The following DLGAP2 variants were observed in gnomAD, a reference collection of about 807,000 sequenced individuals.
DLGAP2 encodes disks large-associated protein 2.
In DLGAP2, 26 loss-of-function variants were observed where a neutral mutation model predicts 100.3. The ratio of observed to expected loss-of-function variants is 0.26; its 90% confidence interval spans 0.19 to 0.36. The LOEUF is 0.36. DLGAP2 is among the 10% of genes least tolerant of loss of function. DLGAP2 has a pLI of 1.00. For synonymous variants in DLGAP2, 886 were observed against 630.1 expected, an observed-to-expected ratio of 1.41 and a Z score of -6.08; for missense variants, 1,858 against 1,453.2, an observed-to-expected ratio of 1.28 and a Z score of -4.53.
At chr8:1,383,012 G>C (rs988775398) in intron 3 of DLGAP2, among the ~76,000 whole-genome samples, 1 of 152,116 alleles carries the variant, frequency 6.6e-6, no homozygotes, top group Admixed American at 6.5e-5. Flanking sequence ...TAGCATATGC[G>C]GTGTCATCTT....
At chr8:1,438,722 C>T (rs1049400980) in intron 3 of DLGAP2, among the ~76,000 whole-genome samples, 4 of 152,278 alleles carry the variant, frequency 2.6e-5, no homozygotes, top group Admixed American at 6.5e-5. Context: ...AAATCACTTC[C>T]GCATGCACAG....
intron 2 of DLGAP2, among the ~76,000 whole-genome samples, chr8:1,256,429 TGC>T: frequency 7.1e-6 from 1 of 141,810 alleles, no homozygotes; most frequent in African/African-American, 2.7e-5. Flanking sequence ...TTGGGCGCTG[TGC>T]GTCTGTCCTC....
At chr8:1,167,927 A>T (rs1272969503) in intron 2 of DLGAP2, among the ~76,000 whole-genome samples, 2 of 151,822 alleles carry the variant, frequency 1.3e-5, no homozygotes. Flanking sequence ...CATGTGCACA[A>T]TGTGTAGGCT....
At chr8:870,430 A>G (rs533789108) in intron 1 of DLGAP2, among the ~76,000 whole-genome samples, 1 of 152,144 alleles carries the variant, frequency 6.6e-6, no homozygotes, top group South Asian at 2.1e-4. Flanking sequence ...CTCACTGCTT[A>G]TGTTAGTGGG....
chr8:754,808 C>T (rs995845965), intron 1 of DLGAP2, among the ~76,000 whole-genome samples: 1 of 152,156 alleles, frequency 6.6e-6, no homozygotes, highest in Non-Finnish European at 1.5e-5. Context: ...CCACTGCACT[C>T]CAGCTTGGTG....
rs184067942 is a variant in DLGAP2, at chr8:1,210,978, C to A, written c.74-47873C>A. ...TTCAAGGACAGATCCTCCCCAACGT[C>A]CAGCGAGGCTGCGGCTGTCTTTAAA... On this transcript the variant is annotated intron_variant, in intron 2 of 14. Transcript: ENST00000637795. Among the ~76,000 whole-genome samples the A allele has an allele frequency of 3.5e-3, 529 of 152,318 alleles. 2 individuals are homozygous for A. The highest frequency in any genetic ancestry group is 0.012 in the African/African-American group (512 of 41,582).
intron 4 of DLGAP2, among the ~76,000 whole-genome samples, chr8:1,507,147 C>T (rs950048381): frequency 2.6e-5 from 4 of 152,238 alleles, no homozygotes; most frequent in Non-Finnish European, 5.9e-5. Flanking sequence ...AGCTGCCTGC[C>T]AGGCGCCTGC....
chr8:1,310,490 G>C (rs1342059788), intron 3 of DLGAP2, among the ~76,000 whole-genome samples: 1 of 152,110 alleles, frequency 6.6e-6, no homozygotes, highest in African/African-American at 2.4e-5. Context: ...ATAAACATGG[G>C]GTTTGGACGG....
At chr8:1,267,258 TAAAATAAAA>T (rs1799473277) in intron 3 of DLGAP2, among the ~76,000 whole-genome samples, 1 of 140,434 alleles carries the variant, frequency 7.1e-6, no homozygotes, top group Non-Finnish European at 1.5e-5. Context: ...TAAAATAAAA[TAAAATAAAA>T]TAAAATAAAA....
At chr8:1,147,632 G>A (rs990044990) in intron 2 of DLGAP2, among the ~76,000 whole-genome samples, 3 of 151,144 alleles carry the variant, frequency 2.0e-5, no homozygotes, top group African/African-American at 7.3e-5. Flanking sequence ...TCCTGGCTCA[G>A]GCTCTCCTTC....
rs563275020 is a variant in DLGAP2, at chr8:1,169,533, T to G, written c.74-89318T>G. On this transcript the variant is annotated intron_variant, in intron 2 of 14. Coordinates refer to ENST00000637795, the MANE Select transcript of DLGAP2 (RefSeq NM_001346810.2). ...CCATGAGCATGGAATGTTCTTCCAT[T>G]TGTTTGTATCCTCTTTAATTTCACT... Among the ~76,000 whole-genome samples the G allele has an allele frequency of 3.1e-3, 473 of 152,338 alleles. 4 individuals are homozygous for G. Among genetic ancestry groups the G allele is most frequent in the Non-Finnish European group, 4.9e-3 (335 of 68,034 alleles).
intron 2 of DLGAP2, among the ~76,000 whole-genome samples, chr8:918,360 G>C (rs1030046422): frequency 6.6e-6 from 1 of 152,214 alleles, no homozygotes; most frequent in Non-Finnish European, 1.5e-5. Context: ...GCCATTCGTA[G>C]AATTAGGGTT....
At chr8:1,248,845 C>T (rs973511536) in intron 2 of DLGAP2, 4 of 152,256 alleles carry the variant, frequency 2.6e-5, no homozygotes, top group Non-Finnish European at 5.9e-5. Context: ...GGAGATGGGA[C>T]CTGCACACGG....
chr8:825,763 A>G (rs1340636095), intron 1 of DLGAP2, among the ~76,000 whole-genome samples: 1 of 152,214 alleles, frequency 6.6e-6, no homozygotes. Context: ...ATATTTTGAT[A>G]CAGGCATGCA....
intron 2 of DLGAP2, among the ~76,000 whole-genome samples, chr8:1,227,153 G>GATATAGATATATATATAT (rs1798434673): frequency 1.1e-5 from 1 of 89,750 alleles, no homozygotes; most frequent in Non-Finnish European, 2.0e-5. Context: ...GAAACTGTGA[G>GATATAGATATATATATAT]ATATATATAT....
chr8:1,377,680 G>T lies in DLGAP2; in HGVS notation c.106+118797G>T, dbSNP rs190843595. ...GGCCTGTGAGGAGGGCCTTGCCAGCGTGGGGGTCAGTGGATCTGAGTGCAG... is the reference window on the plus strand; with the variant it reads ...GGCCTGTGAGGAGGGCCTTGCCAGCTTGGGGGTCAGTGGATCTGAGTGCAG... On this transcript the variant is annotated intron_variant, in intron 3 of 14. Transcript: ENST00000637795. 9.2e-5 allele frequency among the ~76,000 whole-genome samples: 14 copies of T among 152,334 alleles called. No individual in the cohort carries two copies. The East Asian group carries it at 2.3e-3, about 25-fold the overall frequency.
At chr8:1,420,517 T>C (rs1374871170) in intron 3 of DLGAP2, among the ~76,000 whole-genome samples, 1 of 152,212 alleles carries the variant, frequency 6.6e-6, no homozygotes, top group Admixed American at 6.5e-5. Flanking sequence ...ACTCTATGCA[T>C]GTCACTATCC....
At chr8:946,469 T>G (rs910355619) in intron 2 of DLGAP2, among the ~76,000 whole-genome samples, 1 of 151,832 alleles carries the variant, frequency 6.6e-6, no homozygotes, top group Non-Finnish European at 1.5e-5. Context: ...TTCACCATAT[T>G]AGCCAGGATG....
chr8:1,493,405 C>G (rs995757447), intron 3 of DLGAP2, among the ~76,000 whole-genome samples: 2 of 152,022 alleles, frequency 1.3e-5, no homozygotes, highest in Non-Finnish European at 2.9e-5. Flanking sequence ...GTGGACCGAG[C>G]GCATAGACCG....
Sources: allele counts gnomAD v4.1 joint callset (sites outside exome capture counted in the v4.1 genomes callset), GRCh38; gene constraint gnomAD v4.1.1; transcripts MANE v1.5; gene names NCBI Gene and HGNC (gene_info 2026-07-23, HGNC 2026-07-21).